PSMD2: variants seen among roughly 807,000 people sequenced by gnomAD.
PSMD2 encodes the protein proteasome 26S subunit ubiquitin receptor, non-ATPase 2.
Under a neutral mutation model 101.5 loss-of-function variants are expected in PSMD2, and 8 were observed. The observed-to-expected ratio is 0.08, with a 90% CI of 0.05 to 0.14. The LOEUF is 0.14. PSMD2 is among the 10% of genes least tolerant of loss of function. PSMD2 has a pLI of 1.00. For synonymous variants in PSMD2, 418 were observed against 433.8 expected, an observed-to-expected ratio of 0.96 and a Z score of 0.45; for missense variants, 784 against 1,147.4, an observed-to-expected ratio of 0.68 and a Z score of 4.58.
rs1721741245 is a variant in PSMD2 at position 184,304,082 on chromosome 3, T to C, written c.1451+8T>C. ...ACTTGGTTCCATCTTTGGGTAAGGT[T>C]CCTCGCTTGTCTTTCTGGTAGTGCT... On this transcript the variant is annotated splice_region_variant and intron_variant, in intron 11 of 20. Coordinates refer to ENST00000310118, the MANE Select transcript of PSMD2 (RefSeq NM_002808.5). This position sits in a 1 kb window ranked among gnomAD's most constrained non-coding sequence, Gnocchi z 4.1. 3 of 1,613,908 alleles carry C rather than the reference T, an allele frequency of 1.9e-6. No homozygotes were observed. Among genetic ancestry groups the C allele is most frequent in the Non-Finnish European group, 8.5e-7 (1 of 1,179,996 alleles).
intron 16 of PSMD2, 147 bp downstream of exon 16, chr3:184,306,981 G>A (rs908780762): frequency 5.5e-6 from 4 of 725,208 alleles, no homozygotes; most frequent in African/African-American, 1.8e-5. Context: ...TTTTGAAGCG[G>A]AGTTTTGCTC....
At chr3:184,300,597 A>T in intron 3 of PSMD2, 153 bp downstream of exon 3, 2 of 1,420,770 alleles carry the variant, frequency 1.4e-6, no homozygotes, top group Non-Finnish European at 9.2e-7. Context: ...TCTACAGAAG[A>T]GCTGAAAGGA....
In PSMD2 at chr3:184,302,043, T is replaced by C; in HGVS notation, c.676T>C (p.Tyr226His). ...GGAGAAGGACATTGATGAAAATGCA[T>C]ATGCAAAGGTCTGCCTTTATCTCAC... The part of the protein sequence containing the change: ...MLEKDIDENA[Y>H]AKVCLYLTSC... Residue 226 changes from tyrosine (Y) to histidine (H), a missense_variant, in exon 5 of 21, where the codon TAT (tyrosine) becomes CAT (histidine). Physicochemically the swap from Tyr to His is moderately conservative, Grantham distance 83. Around this residue, in one of 6 missense-constraint regions of PSMD2, gnomAD observed 208 missense variants for 301.6 expected, o/e 0.69. Coordinates refer to ENST00000310118, the MANE Select transcript of PSMD2 (RefSeq NM_002808.5). 2 of 1,614,162 alleles carry C rather than the reference T, an allele frequency of 1.2e-6. No individual in the cohort carries two copies. Among genetic ancestry groups the C allele is most frequent in the Non-Finnish European group, 1.7e-6 (2 of 1,180,042 alleles).
chr3:184,301,976 G>A lies in PSMD2; in HGVS notation c.609G>A (p.Glu203=), dbSNP rs1721659445. 1.2e-6 allele frequency: 2 copies of A among 1,614,100 alleles called. No individual in the cohort carries two copies. Among genetic ancestry groups the A allele is most frequent in the African/African-American group, 1.3e-5 (1 of 74,930 alleles). ...ACATGGCCCACAATGCAGAGCATGA[G>A]GCTTGCGACCTGCTTATGGAAATTG... ...PYNMAHNAEH[E]ACDLLMEIEQ... The change falls in exon 5 of 21, where the codon GAG becomes GAA. Residue 203 remains glutamate (E), a synonymous_variant. Transcript: ENST00000310118.
At position 184,304,538 on chromosome 3, in the gene PSMD2, A is replaced by AG; in HGVS notation, c.1539+148dup. 1.3e-6 allele frequency: 1 copy of AG among 785,632 alleles called. No individual in the cohort carries two copies. Among genetic ancestry groups the AG allele is most frequent in the Non-Finnish European group, 2.1e-6 (1 of 476,042 alleles). 48.7% of individuals were successfully genotyped at this position (785,632 alleles called of 1,614,324 possible). ...GGTGTGTATTGAGGGGCGTCACCTCAGTGAAACCCCTTGATCTGGGATTCT... is the reference window on the plus strand; with the variant it reads ...GGTGTGTATTGAGGGGCGTCACCTCAGGTGAAACCCCTTGATCTGGGATTCT... On this transcript the variant is annotated intron_variant, in intron 12 of 20. Coordinates refer to ENST00000310118, the MANE Select transcript of PSMD2 (RefSeq NM_002808.5). The surrounding 1 kb of genome is among the most constrained non-coding windows in gnomAD (Gnocchi z 4.1).
In PSMD2 at chr3:184,305,885, A is replaced by G. The variant is rs1223763910; in HGVS notation, c.1657A>G (p.Thr553Ala). 1 of 1,614,202 alleles carries G rather than the reference A, an allele frequency of 6.2e-7. No individual in the cohort carries two copies. The highest frequency in any genetic ancestry group is 8.5e-7 in the Non-Finnish European group (1 of 1,180,034). ...GAAGTCAGAGACTGAGCTCAAGGAT[A>G]CTTATGCTCGTTGGCTTCCTCTTGG... ...MEKSETELKD[T>A]YARWLPLGLG... Residue 553 changes from threonine (T) to alanine (A), a missense_variant, in exon 13 of 21, where the codon ACT becomes GCT. By Grantham distance (58) the Thr-to-Ala change is moderately conservative. Around this residue, in one of 6 missense-constraint regions of PSMD2, gnomAD observed 282 missense variants for 437.6 expected, o/e 0.64. Transcript: ENST00000310118.
intron 2 of PSMD2, among the ~76,000 whole-genome samples, 169 bp from the exon 3 acceptor site, chr3:184,300,111 C>T (rs908073789): frequency 2.0e-5 from 3 of 152,012 alleles, no homozygotes; most frequent in Non-Finnish European, 4.4e-5. Flanking sequence ...TACCTCTTAA[C>T]TTGGGTCATT....
Position 184,301,732 on chromosome 3 carries a change from A to G in PSMD2, c.479+74A>G, listed in dbSNP as rs996872234. On this transcript the variant is annotated intron_variant, in intron 4 of 20. Transcript: ENST00000310118. Reference sequence around the variant, plus strand: ...ATAATTCAGAATTTTCTTGTGGAGTACAATCTGTCTTGGAGCATCAGTGTA... The same window carrying G: ...ATAATTCAGAATTTTCTTGTGGAGTGCAATCTGTCTTGGAGCATCAGTGTA... 98 of 1,609,578 alleles carry G rather than the reference A, an allele frequency of 6.1e-5. No homozygotes were observed. The African/African-American group carries it at 1.2e-3, about 19-fold the overall frequency.
In PSMD2 at chr3:184,308,150, G is replaced by T; in HGVS notation, c.2425+134G>T. On this transcript the variant is annotated intron_variant, in intron 19 of 20. Transcript: ENST00000310118. This position sits in a 1 kb window ranked among gnomAD's most constrained non-coding sequence, Gnocchi z 6.0. The stretch of plus-strand genomic sequence containing the variant: ...GCTCTAGGTTTCTGAGACAGGCTTT[G>T]GGCCTGTGACATGAGACTTTCATCA... 8.2e-7 allele frequency: 1 copy of T among 1,213,636 alleles called. No homozygotes were observed. Among genetic ancestry groups the T allele is most frequent in the East Asian group, 2.5e-5 (1 of 40,240 alleles). The allele number at this position is 1,213,636 out of a possible 1,614,324, so 75.2% of individuals were successfully genotyped here.
Position 184,304,435 on chromosome 3 carries a change from CT to C in PSMD2, c.1539+47del, listed in dbSNP as rs755424105. The C allele has an allele frequency of 6.4e-7, 1 of 1,555,038 alleles. No homozygotes were observed. The highest frequency in any genetic ancestry group is 1.1e-5 in the South Asian group (1 of 89,896). ...GCATTTAGAGTAAGTAGGGAAGGTG[CT>C]TTGAGTCTTACTTTCTGTGATAAAT... On this transcript the variant is annotated intron_variant, in intron 12 of 20. Coordinates refer to ENST00000310118, the MANE Select transcript of PSMD2 (RefSeq NM_002808.5). This position sits in a 1 kb window ranked among gnomAD's most constrained non-coding sequence, Gnocchi z 4.1.
At position 184,304,105 on chromosome 3, in the gene PSMD2, G is replaced by A. The variant is rs1347449350; in HGVS notation, c.1451+31G>A. The A allele has an allele frequency of 1.2e-6, 2 of 1,612,594 alleles. No individual in the cohort carries two copies. The highest frequency in any genetic ancestry group is 3.3e-5 in the Admixed American group (2 of 60,010). On this transcript the variant is annotated intron_variant, in intron 11 of 20. Transcript: ENST00000310118. This position sits in a 1 kb window ranked among gnomAD's most constrained non-coding sequence, Gnocchi z 4.1. ...GTTCCTCGCTTGTCTTTCTGGTAGT[G>A]CTCAGCCTGTACACTCTGGAGAACA...
In PSMD2 at chr3:184,302,129, A is replaced by C. The variant is rs935099697; in HGVS notation, c.704+58A>C. On this transcript the variant is annotated intron_variant, in intron 5 of 20. Coordinates refer to ENST00000310118, the MANE Select transcript of PSMD2 (RefSeq NM_002808.5). ...ATGCCCTCCTCAGCACCTCTCTCTC[A>C]ATTGCGCCTCCTCTATTTTCCCAGA... The C allele has an allele frequency of 5.9e-6, 9 of 1,535,614 alleles. No homozygotes were observed. In the South Asian group the frequency reaches 9.0e-5, roughly 15 times the overall value.
At chr3:184,302,187 T>C (rs1721668451) in intron 5 of PSMD2, 116 bp downstream of exon 5, 1 of 1,267,628 alleles carries the variant, frequency 7.9e-7, no homozygotes, top group Non-Finnish European at 1.1e-6. Flanking sequence ...ACGCTGTAGT[T>C]AATCTTTTGA....
At chr3:184,303,101 TAG>T in intron 8 of PSMD2, 39 bp downstream of exon 8, 1 of 1,594,956 alleles carries the variant, frequency 6.3e-7, no homozygotes, top group Non-Finnish European at 8.6e-7. Context: ...TGGGGGATTG[TAG>T]GTATGCCCCT....
Position 184,300,512 on chromosome 3 carries a change from C to T in PSMD2, c.357+68C>T, listed in dbSNP as rs915470608. 6.6e-5 allele frequency: 103 copies of T among 1,554,562 alleles called. No homozygotes were observed. The African/African-American group carries it at 1.2e-3, about 18-fold the overall frequency. On this transcript the variant is annotated intron_variant, in intron 3 of 20. Transcript: ENST00000310118. The stretch of plus-strand genomic sequence containing the variant: ...CCTTTTTACCCAGATCATGGGGGGA[C>T]TCATTGTGAGTCACAGGAAGCCTGA...
chr3:184,303,238 A>G (rs1721709404), intron 8 of PSMD2, 82 bp from the exon 9 acceptor site: 1 of 1,552,284 alleles, frequency 6.4e-7, no homozygotes, highest in South Asian at 1.2e-5. Context: ...GCTCAGAACC[A>G]GAGACCAGTT....
chr3:184,307,629 G>A lies in PSMD2; in HGVS notation c.2219G>A (p.Arg740His), dbSNP rs1268460808. The A allele has an allele frequency of 2.5e-6, 4 of 1,614,048 alleles. No individual in the cohort carries two copies. Among genetic ancestry groups the A allele is most frequent in the Non-Finnish European group, 2.5e-6 (3 of 1,180,020 alleles). The change falls in exon 18 of 21, where the codon CGT (arginine) becomes CAT (histidine). Residue 740 changes from arginine (R) to histidine (H), a missense_variant. This residue lies in a region of PSMD2 where 282 missense variants were observed against 437.6 expected (regional missense o/e 0.64). Coordinates refer to ENST00000310118, the MANE Select transcript of PSMD2 (RefSeq NM_002808.5). ...ACATTTCCAGGTACCAATAATGCCC[G>A]TCTGGCTGCAATGCTGCGCCAGTTA... ...GMVGSGTNNA[R>H]LAAMLRQLAQ...
At chr3:184,305,492 A>C (rs1183568158) in intron 12 of PSMD2, among the ~76,000 whole-genome samples, 5 of 66,054 alleles carry the variant, frequency 7.6e-5, no homozygotes, top group Non-Finnish European at 2.6e-4. Flanking sequence ...TGTCTCAAAA[A>C]AAAAAAAAAA....
chr3:184,302,508 C>G lies in PSMD2; in HGVS notation c.843C>G (p.Ile281Met). The change falls in exon 6 of 21, where the codon ATC (isoleucine) becomes ATG (methionine). Residue 281 changes from isoleucine (I) to methionine (M), a missense_variant. This residue lies in a region of PSMD2 where 208 missense variants were observed against 301.6 expected (regional missense o/e 0.69). Coordinates refer to ENST00000310118, the MANE Select transcript of PSMD2 (RefSeq NM_002808.5). ...ATGACATGGAGTTGGTAGAAGACAT[C>G]TTCACCTCCTGCAAGGATGTGTATG... Reference protein sequence around the residue: ...MLNDMELVEDIFTSCKDVVVQ... With the variant: ...MLNDMELVEDMFTSCKDVVVQ... 1 of 1,614,102 alleles carries G rather than the reference C, an allele frequency of 6.2e-7. No individual in the cohort carries two copies. The highest frequency in any genetic ancestry group is 8.5e-7 in the Non-Finnish European group (1 of 1,180,016).
Sources: allele counts gnomAD v4.1 joint callset (sites outside exome capture counted in the v4.1 genomes callset), GRCh38; gene constraint gnomAD v4.1.1; regional missense constraint gnomAD v4.1.1; non-coding constraint Gnocchi (gnomAD v3.1); transcripts MANE v1.5; gene names NCBI Gene and HGNC (gene_info 2026-07-23, HGNC 2026-07-21).